Variants in R3HCC1 observed in about 807,000 individuals in gnomAD.
R3HCC1 encodes R3H and coiled-coil domain-containing protein 1.
In R3HCC1, 32 loss-of-function variants were observed where a neutral mutation model predicts 40.0. The ratio of observed to expected loss-of-function variants is 0.80; its 90% CI spans 0.60 to 1.07. The LOEUF is 1.07. Ranked by LOEUF, R3HCC1 falls within the 50% of genes least tolerant of loss-of-function variation. The pLI, the probability that R3HCC1 is intolerant of heterozygous loss-of-function variation, is 0.00. For synonymous variants in R3HCC1, 237 were observed against 232.8 expected, an observed-to-expected ratio of 1.02 and a Z score of -0.17; for missense variants, 586 against 563.3, an observed-to-expected ratio of 1.04 and a Z score of -0.41.
intron 4 of R3HCC1, 63 bp downstream of exon 4, chr8:23,290,532 A>G (rs1365247721): frequency 1.3e-6 from 2 of 1,490,378 alleles, no homozygotes; most frequent in South Asian, 2.7e-5. Flanking sequence ...CCGTGGGTGG[A>G]TGGGGACCAA....
intron 3 of R3HCC1, 98 bp downstream of exon 3, chr8:23,289,251 G>A: frequency 7.4e-7 from 1 of 1,349,512 alleles, no homozygotes; most frequent in South Asian, 1.4e-5. Flanking sequence ...GGGAACCAGG[G>A]CTGGGACCCC....
At chr8:23,293,802 C>T (rs182701204) in intron 6 of R3HCC1, among the ~76,000 whole-genome samples, 46 of 152,254 alleles carry the variant, frequency 3.0e-4, no homozygotes, top group African/African-American at 9.9e-4. Context: ...AGGTTACCTC[C>T]ATTGTACAGC....
chr8:23,293,490 C>T (rs965559826), intron 6 of R3HCC1, 117 bp downstream of exon 6: 244 of 738,960 alleles, frequency 3.3e-4, no homozygotes, highest in Non-Finnish European at 5.0e-4. Context: ...AGCCAGTAGG[C>T]TCTGGGGGTT....
Position 23,295,545 on chromosome 8 carries a change from GC to G in R3HCC1, c.1193-420del, listed in dbSNP as rs1480669511. 1.3e-5 allele frequency: 6 copies of G among 463,994 alleles called. No individual in the cohort carries two copies. The East Asian group carries it at 4.0e-4, about 31-fold the overall frequency. 28.7% of individuals were successfully genotyped at this position (463,994 alleles called of 1,614,324 possible). ...ATGGACCTGCAAGAGGCCTGCCGAG[GC>G]CAGCTGTGCTCTCGTGGGTGGTTAC... On this transcript the variant is annotated intron_variant, in intron 7 of 7. Transcript: ENST00000265806.
At position 23,294,737 on chromosome 8, in the gene R3HCC1, G is replaced by GGAGTGGCTCC. The variant is rs760838277; in HGVS notation, c.1097-31_1097-22dup. On this transcript the variant is annotated intron_variant, in intron 6 of 7. Transcript: ENST00000265806. ...TGTGCCGCGGGGTCCTGAGGAGGAG[G>GGAGTGGCTCC]GAGTGGCTCCACGCCTGCTTTCTTT... The GGAGTGGCTCC allele has an allele frequency of 2.6e-6, 4 of 1,514,260 alleles. No individual in the cohort carries two copies. In the Admixed American group the frequency reaches 7.9e-5, roughly 30 times the overall value. 93.8% of individuals were successfully genotyped at this position (1,514,260 alleles called of 1,614,324 possible). A position where few individuals can be genotyped will look rare whatever the true frequency, so the allele number is the denominator to read the frequency against.
At chr8:23,292,647 C>A (rs1337950821) in intron 5 of R3HCC1, among the ~76,000 whole-genome samples, 1 of 152,090 alleles carries the variant, frequency 6.6e-6, no homozygotes, top group Non-Finnish European at 1.5e-5. Flanking sequence ...AAAGAAACCC[C>A]TTTCCACGTG....
chr8:23,293,733 A>G (rs1432494414), intron 6 of R3HCC1, among the ~76,000 whole-genome samples: 1 of 152,222 alleles, frequency 6.6e-6, no homozygotes, highest in African/African-American at 2.4e-5. Context: ...TGGAGATTTC[A>G]TGTGGTTCAA....
In R3HCC1 at chr8:23,295,987, G is replaced by T; in HGVS notation, c.1213G>T (p.Glu405Ter). The change falls in exon 8 of 8, where the codon GAG (glutamate) becomes TAG (stop). Residue 405 changes from glutamate to a stop codon, truncating the protein, a stop_gained. Coordinates refer to ENST00000265806, the MANE Select transcript of R3HCC1 (RefSeq NM_001136108.3). LOFTEE classifies it high-confidence loss of function. ...TCTAGAACTCCTGCGTCTGGTGAAGGAGAGGCCACAGACAAATGCGACTGT... is the reference window on the plus strand; with the variant it reads ...TCTAGAACTCCTGCGTCTGGTGAAGTAGAGGCCACAGACAAATGCGACTGT... The T allele has an allele frequency of 6.4e-7, 1 of 1,550,844 alleles. No homozygotes were observed. Among genetic ancestry groups the T allele is most frequent in the Non-Finnish European group, 8.7e-7 (1 of 1,146,828 alleles).
At chr8:23,293,166 C>T (rs1174693745) in intron 5 of R3HCC1, 137 bp from the exon 6 acceptor site, 13 of 627,894 alleles carry the variant, frequency 2.1e-5, no homozygotes, top group South Asian at 8.1e-5. Context: ...TGATTGTCTC[C>T]GTCCCAGAAG....
chr8:23,293,366 G>T lies in R3HCC1; in HGVS notation c.1089G>T (p.Leu363=). 7.1e-6 allele frequency: 11 copies of T among 1,550,780 alleles called. No individual in the cohort carries two copies. Among genetic ancestry groups the T allele is most frequent in the Non-Finnish European group, 9.6e-6 (11 of 1,146,426 alleles). ...ACGCACTCGGCATCTTTCCCTGCCT[G>T]GCCTCAGGTAAGGCACCCCCAGTGG... The change falls in exon 6 of 8, where the codon CTG becomes CTT. Residue 363 remains leucine, a synonymous_variant. Transcript: ENST00000265806.
chr8:23,294,665 G>A, intron 6 of R3HCC1, 104 bp from the exon 7 acceptor site: 1 of 874,132 alleles, frequency 1.1e-6, no homozygotes, highest in Non-Finnish European at 1.8e-6. Context: ...CCTGCCCTGA[G>A]CTTTGAATAG....
At chr8:23,288,344 C>T (rs995066387) in intron 1 of R3HCC1, 162 bp from the exon 2 acceptor site, 4 of 1,162,640 alleles carry the variant, frequency 3.4e-6, no homozygotes, top group Admixed American at 2.6e-5. Flanking sequence ...CAGGAGACCC[C>T]TTCCCTGACC....
Position 23,288,132 on chromosome 8 carries a change from C to T in R3HCC1, c.-44C>T, listed in dbSNP as rs771213806. 5 of 1,252,438 alleles carry T rather than the reference C, an allele frequency of 4.0e-6. No homozygotes were observed. In the South Asian group the frequency reaches 5.3e-5, roughly 13 times the overall value. 77.6% of individuals were successfully genotyped at this position (1,252,438 alleles called of 1,614,324 possible). On this transcript the variant is annotated 5_prime_UTR_variant, in exon 1 of 8. Coordinates refer to ENST00000265806, the MANE Select transcript of R3HCC1 (RefSeq NM_001136108.3). The stretch of plus-strand genomic sequence containing the variant: ...CGCTGGCCCCTGGGGACGCCGAGGG[C>T]GGCTGCGACGCGCCGAGAGGCCGCG...
At chr8:23,291,151 C>A in intron 4 of R3HCC1, 1 of 512,072 alleles carries the variant, frequency 2.0e-6, no homozygotes, top group Non-Finnish European at 3.4e-6. Context: ...TTGCCAGTCA[C>A]TTAGTGGGGA....
Position 23,290,168 on chromosome 8 carries a change from TC to T in R3HCC1, c.554del (p.Pro185LeufsTer3), listed in dbSNP as rs1225009512. On this transcript the variant is annotated frameshift_variant, in exon 4 of 8. Coordinates refer to ENST00000265806, the MANE Select transcript of R3HCC1 (RefSeq NM_001136108.3). LOFTEE classifies it high-confidence loss of function. ...GGAGACCCCAACTCTGATCAGGGAC[TC>T]CCTGTGCTGATGACTCAGGGAACAG... 3 of 1,551,682 alleles carry T rather than the reference TC, an allele frequency of 1.9e-6. No individual in the cohort carries two copies. Among genetic ancestry groups the T allele is most frequent in the Non-Finnish European group, 2.6e-6 (3 of 1,146,982 alleles).
intron 5 of R3HCC1, among the ~76,000 whole-genome samples, chr8:23,292,002 T>A (rs943484499): frequency 2.0e-4 from 31 of 152,210 alleles, no homozygotes; most frequent in African/African-American, 6.0e-4. Context: ...AGACACGACT[T>A]CCCTCCTCCT....
rs941185531 is a variant in R3HCC1, at chr8:23,296,013, G to A, written c.1239G>A (p.Val413=). 1 of 1,550,904 alleles carries A rather than the reference G, an allele frequency of 6.4e-7. No homozygotes were observed. The highest frequency in any genetic ancestry group is 8.7e-7 in the Non-Finnish European group (1 of 1,146,924). The change falls in exon 8 of 8, where the codon GTG becomes GTA. Residue 413 remains valine, a synonymous_variant. Coordinates refer to ENST00000265806, the MANE Select transcript of R3HCC1 (RefSeq NM_001136108.3). ...AGAGGCCACAGACAAATGCGACTGT[G>A]GCCCGGCGGCTGGTGGCCCGGGCCC...
chr8:23,292,608 C>A (rs1368081916), intron 5 of R3HCC1, among the ~76,000 whole-genome samples: 1 of 149,398 alleles, frequency 6.7e-6, no homozygotes, highest in South Asian at 2.1e-4. Context: ...TGCGAGACTC[C>A]CTCTCAAAAA....
Position 23,288,522 on chromosome 8 carries a change from C to T in R3HCC1, c.-2C>T, listed in dbSNP as rs754555262. ...CTCTTACAGGCTCTCCCACCTGTCA[C>T]CCTGGCCCTTCTCTGCTTGGATGGT... On this transcript the variant is annotated 5_prime_UTR_variant, in exon 2 of 8. Transcript: ENST00000265806. The T allele has an allele frequency of 3.3e-6, 5 of 1,535,982 alleles. No individual in the cohort carries two copies. Among genetic ancestry groups the T allele is most frequent in the Non-Finnish European group, 4.4e-6 (5 of 1,146,890 alleles).
Sources: gnomAD v4.1 joint callset for allele counts (sites outside exome capture counted in the v4.1 genomes callset) on GRCh38, gnomAD v4.1.1 for gene constraint, MANE v1.5 for transcripts, NCBI Gene and HGNC (gene_info 2026-07-23, HGNC 2026-07-21) for gene names.